The following RBPJ variants were observed in gnomAD, a reference collection of about 807,000 sequenced individuals.
The protein encoded by RBPJ is recombination signal binding protein for immunoglobulin kappa J region, also known as recombining binding protein suppressor of hairless.
In RBPJ, 9 loss-of-function variants were observed where a neutral mutation model predicts 67.8. The observed-to-expected ratio is 0.13, with a 90% CI of 0.08 to 0.23. The LOEUF is 0.23. Among genes scored for constraint, RBPJ ranks in the 10% least tolerant of loss-of-function variants. The pLI is 1.00. For synonymous variants in RBPJ, 198 were observed against 203.3 expected (o/e 0.97, Z 0.22); for missense variants, 305 against 595.6 (o/e 0.51, Z 5.08).
chr4:26,270,197 G>A (rs766510823), intron 1 of RBPJ, among the ~76,000 whole-genome samples: 43 of 149,988 alleles, frequency 2.9e-4, no homozygotes, highest in Non-Finnish European at 4.7e-4. Flanking sequence ...CAAGAGAATC[G>A]CTTGACCAGG....
At chr4:26,307,923 A>G (rs1018445110) in intron 1 of RBPJ, among the ~76,000 whole-genome samples, 6 of 152,222 alleles carry the variant, frequency 3.9e-5, no homozygotes, top group Non-Finnish European at 8.8e-5. Context: ...TTAAGTAGCA[A>G]AAGCACAGGA....
intron 1 of RBPJ, among the ~76,000 whole-genome samples, chr4:26,262,511 G>T (rs1006543444): frequency 2.0e-5 from 3 of 152,176 alleles, no homozygotes; most frequent in African/African-American, 7.2e-5. Flanking sequence ...TAACTTTCCT[G>T]TCCAGTTTTC....
chr4:26,386,476 C>A, intron 2 of RBPJ, 85 bp downstream of exon 2: 1 of 859,286 alleles, frequency 1.2e-6, no homozygotes, highest in South Asian at 1.8e-5. Context: ...TTAATAGGTA[C>A]CCTTAAAGTC....
chr4:26,139,687 C>T, the RBPJ span, among the ~76,000 whole-genome samples: 5 of 152,080 alleles, frequency 3.3e-5, no homozygotes, highest in Non-Finnish European at 5.9e-5. Context: ...CAGAGTGGGG[C>T]CACAGGGGCC....
At chr4:26,310,900 C>A (rs1037075514) in intron 1 of RBPJ, among the ~76,000 whole-genome samples, 1 of 152,092 alleles carries the variant, frequency 6.6e-6, no homozygotes, top group African/African-American at 2.4e-5. Context: ...GAACTCCTGA[C>A]CTCACGTGAT....
intron 1 of RBPJ, chr4:26,321,369 G>T (rs2109322973): frequency 6.6e-6 from 1 of 151,934 alleles, no homozygotes; most frequent in Admixed American, 6.6e-5. Context: ...CTGCCTGGGG[G>T]CCCCGTGCAT....
At chr4:26,419,096 A>T (rs1734873850) in intron 4 of RBPJ, among the ~76,000 whole-genome samples, 1 of 152,170 alleles carries the variant, frequency 6.6e-6, no homozygotes. Context: ...GTCCCACCTC[A>T]GCCTCCTGAG....
At chr4:26,154,872 C>T in the RBPJ span, among the ~76,000 whole-genome samples, 1 of 152,102 alleles carries the variant, frequency 6.6e-6, no homozygotes, top group South Asian at 2.1e-4. Flanking sequence ...AACTTATCAC[C>T]CAGGGCATGG....
intron 1 of RBPJ, among the ~76,000 whole-genome samples, chr4:26,334,886 T>G (rs915531528): frequency 7.9e-5 from 12 of 152,350 alleles, no homozygotes; most frequent in African/African-American, 2.9e-4. Context: ...TCTTAAGTAT[T>G]GTGATTTGCA....
intron 1 of RBPJ, among the ~76,000 whole-genome samples, chr4:26,363,955 T>C (rs2725309): frequency 0.57 from 86,696 of 151,970 alleles, 24,824 homozygotes; most frequent in Admixed American, 0.66. Context: ...CTTAATTATA[T>C]GAAATCTTGG....
intron 1 of RBPJ, among the ~76,000 whole-genome samples, chr4:26,220,907 G>A (rs1718881368): frequency 6.6e-6 from 1 of 152,102 alleles, no homozygotes; most frequent in African/African-American, 2.4e-5. Context: ...ATTCATCTGG[G>A]GCCCAAACAC....
intron 1 of RBPJ, among the ~76,000 whole-genome samples, chr4:26,201,877 A>G (rs759830489): frequency 6.6e-6 from 1 of 152,174 alleles, no homozygotes; most frequent in Non-Finnish European, 1.5e-5. Context: ...ATTTGCAGGG[A>G]GGGCCCTGGC....
intron 1 of RBPJ, among the ~76,000 whole-genome samples, chr4:26,355,763 C>T (rs924076704): frequency 1.3e-5 from 2 of 152,138 alleles, no homozygotes; most frequent in African/African-American, 4.8e-5. Context: ...TAGTTTGTGC[C>T]CCACTGGGGA....
Position 26,335,783 on chromosome 4 carries a change from G to A in RBPJ, c.20+14735G>A, listed in dbSNP as rs56213973. Among the ~76,000 whole-genome samples, 746 of 151,606 alleles carry A rather than the reference G, an allele frequency of 4.9e-3. 10 individuals are homozygous for A. The highest frequency in any genetic ancestry group is 0.017 in the African/African-American group (723 of 41,344). On this transcript the variant is annotated intron_variant, in intron 1 of 10. Transcript: ENST00000355476. ...CTACAGGCATGCACCACCTACGCCCGGCTAATTTTTTTTGTATTTTCAGTA... is the reference window on the plus strand; with the variant it reads ...CTACAGGCATGCACCACCTACGCCCAGCTAATTTTTTTTGTATTTTCAGTA...
chr4:26,353,800 G>A (rs542767599), intron 1 of RBPJ, among the ~76,000 whole-genome samples: 27 of 151,232 alleles, frequency 1.8e-4, no homozygotes, highest in African/African-American at 5.8e-4. Flanking sequence ...TAGTAGAGAT[G>A]GGGTTTCACC....
intron 2 of RBPJ, among the ~76,000 whole-genome samples, chr4:26,392,890 G>T (rs935803293): frequency 6.6e-6 from 1 of 152,174 alleles, no homozygotes; most frequent in African/African-American, 2.4e-5. Context: ...AGGGATTAGT[G>T]TATCTTCTTG....
At chr4:26,422,593 A>G (rs190529747) in intron 5 of RBPJ, among the ~76,000 whole-genome samples, 16 of 152,040 alleles carry the variant, frequency 1.1e-4, no homozygotes, top group African/African-American at 3.4e-4. Flanking sequence ...TTATTATGAG[A>G]TCATGGTTTT....
Position 26,430,300 on chromosome 4 carries a change from A to G in RBPJ, c.1045-119A>G. ...TGTTTTTAGCTAGCTTTGTAATAAA[A>G]AACATTTTAATTGCCCTTTTTTAAA... On this transcript the variant is annotated intron_variant, in intron 9 of 10. Transcript: ENST00000355476. This position sits in a 1 kb window ranked among gnomAD's most constrained non-coding sequence, Gnocchi z 4.1. The G allele has an allele frequency of 2.1e-6, 2 of 936,380 alleles. No homozygotes were observed. Among genetic ancestry groups the G allele is most frequent in the South Asian group, 1.5e-5 (1 of 65,980 alleles). The allele number at this position is 936,380 out of a possible 1,614,324, so 58.0% of individuals were successfully genotyped here.
intron 2 of RBPJ, among the ~76,000 whole-genome samples, chr4:26,393,900 A>G (rs1332908001): frequency 6.6e-6 from 1 of 152,182 alleles, no homozygotes; most frequent in African/African-American, 2.4e-5. Flanking sequence ...AGCAATATTG[A>G]AAAAGCATCC....
Sources: allele counts gnomAD v4.1 joint callset (sites outside exome capture counted in the v4.1 genomes callset), GRCh38; gene constraint gnomAD v4.1.1; non-coding constraint Gnocchi (gnomAD v3.1); transcripts MANE v1.5; gene names NCBI Gene and HGNC (gene_info 2026-07-23, HGNC 2026-07-21).